RECQL5: variants seen among roughly 807,000 people sequenced by gnomAD.
RECQL5 encodes RecQ like helicase 5, also known as ATP-dependent DNA helicase Q5.
RECQL5 carries 88 observed loss-of-function variants against 103.4 expected under a neutral mutation model. That is an observed-to-expected ratio of 0.85 (90% CI 0.72 to 1.02). The LOEUF (loss-of-function observed/expected upper bound fraction) is 1.02, where lower values mean the gene tolerates loss of function less well. RECQL5 is among the 50% of genes least tolerant of loss of function. The probability of loss-of-function intolerance (pLI) is 0.00; values close to 1 mark genes in which losing one functional copy is unlikely to be tolerated. For synonymous variants in RECQL5, 552 were observed against 507.9 expected (o/e 1.09, Z -1.17); for missense variants, 1,232 against 1,284.3 (o/e 0.96, Z 0.62).
chr17:75,628,822 A>C, intron 16 of RECQL5, 60 bp from the exon 17 acceptor site: 1 of 1,601,490 alleles, frequency 6.2e-7, no homozygotes, highest in Non-Finnish European at 8.5e-7. Context: ...TCATCCCAGG[A>C]GGCCTAGGAG....
At chr17:75,647,766 C>T in intron 8 of RECQL5, 3 of 583,512 alleles carry the variant, frequency 5.1e-6, no homozygotes, top group Non-Finnish European at 9.3e-6. Flanking sequence ...TGGTCTGAGA[C>T]CAATTCTGGC....
At chr17:75,638,652 G>A (rs2059374138) in intron 8 of RECQL5, 1 of 152,338 alleles carries the variant, frequency 6.6e-6, no homozygotes, top group Non-Finnish European at 1.5e-5. Flanking sequence ...CCCGTCCCGG[G>A]GGGGCATTCT....
At chr17:75,648,601 C>T (rs1428169437) in intron 8 of RECQL5, among the ~76,000 whole-genome samples, 1 of 151,406 alleles carries the variant, frequency 6.6e-6, no homozygotes, top group East Asian at 1.9e-4. Context: ...TCTCGATCTC[C>T]TCACCTTGTG....
intron 8 of RECQL5, among the ~76,000 whole-genome samples, chr17:75,645,896 G>A (rs904270525): frequency 4.6e-5 from 7 of 152,206 alleles, no homozygotes; most frequent in African/African-American, 1.7e-4. Context: ...TTTACCAGCT[G>A]GGATAAGCAC....
chr17:75,634,637 C>T (rs1598999288), intron 8 of RECQL5, among the ~76,000 whole-genome samples: 2 of 152,198 alleles, frequency 1.3e-5, no homozygotes, highest in African/African-American at 4.8e-5. Context: ...AGCCAGCATG[C>T]GGCGCCCCCA....
chr17:75,630,355 G>T, intron 13 of RECQL5, 78 bp from the exon 14 acceptor site: 1 of 1,312,798 alleles, frequency 7.6e-7, no homozygotes, highest in Non-Finnish European at 1.0e-6. Flanking sequence ...GGGACTCCAG[G>T]CCTGGTGGGG....
chr17:75,644,796 TCCAG>T (rs2059470973), intron 8 of RECQL5, among the ~76,000 whole-genome samples: 1 of 141,860 alleles, frequency 7.0e-6, no homozygotes, highest in African/African-American at 2.7e-5. Flanking sequence ...ACCACTGCAC[TCCAG>T]CCTGGGCTAC....
intron 8 of RECQL5, among the ~76,000 whole-genome samples, chr17:75,644,145 A>G (rs1208811097): frequency 6.6e-6 from 1 of 152,200 alleles, no homozygotes; most frequent in African/African-American, 2.4e-5. Flanking sequence ...TCTACTAAAA[A>G]TACAAAAAAA....
rs951900043 is a variant in RECQL5, at chr17:75,630,664, T to A, written c.1673A>T (p.Glu558Val). 5 of 1,613,268 alleles carry A rather than the reference T, an allele frequency of 3.1e-6. No homozygotes were observed. Among genetic ancestry groups the A allele is most frequent in the Admixed American group, 1.7e-5 (1 of 60,010 alleles). The change falls in exon 13 of 20, where the codon GAG becomes GTG. Residue 558 changes from glutamate to valine, a missense_variant. Coordinates refer to ENST00000317905, the MANE Select transcript of RECQL5 (RefSeq NM_004259.7). ...KAREHCLRLLEEALSSNRQST... is the reference protein window; with the variant it reads ...KAREHCLRLLVEALSSNRQST... ...CTGGCGGTTGCTGCTCAGCGCCTCC[T>A]CCAGAAGCCGCAGGCAGTGCTCCCG...
At chr17:75,650,449 G>T in intron 8 of RECQL5, 3 of 1,339,890 alleles carry the variant, frequency 2.2e-6, no homozygotes, top group Non-Finnish European at 2.9e-6. Flanking sequence ...TCAGGAGACG[G>T]GTGTTTAGTG....
intron 7 of RECQL5, among the ~76,000 whole-genome samples, chr17:75,652,035 T>C (rs2059562436): frequency 6.6e-6 from 1 of 152,118 alleles, no homozygotes; most frequent in Admixed American, 6.6e-5. Context: ...GAGACCGGCC[T>C]TGCCAACATG....
intron 8 of RECQL5, 95 bp downstream of exon 8, chr17:75,651,091 A>G: frequency 6.2e-7 from 1 of 1,607,168 alleles, no homozygotes; most frequent in Admixed American, 1.7e-5. Flanking sequence ...TTGGTAGCCT[A>G]CGGGCTGTCT....
intron 8 of RECQL5, among the ~76,000 whole-genome samples, chr17:75,642,250 G>A (rs1047747534): frequency 6.6e-6 from 1 of 152,214 alleles, no homozygotes; most frequent in Non-Finnish European, 1.5e-5. Flanking sequence ...AGAGCATCCC[G>A]AGGTGCCTCC....
rs757609790 is a variant in RECQL5 at position 75,628,689 on chromosome 17, G to A, written c.2563C>T (p.Arg855Trp). The stretch of plus-strand genomic sequence containing the variant: ...GCCGGCACCTGCTGGGATCGAGGCC[G>A]CTTGCCCTTCCATGTGTCCTTTGCA... ...TPAKDTWKGKRPRSQQENPES... is the reference protein window; with the variant it reads ...TPAKDTWKGKWPRSQQENPES... The change falls in exon 17 of 20, where the codon CGG (arginine) becomes TGG (tryptophan). Residue 855 changes from arginine (R) to tryptophan (W), a missense_variant. Arg to Trp is a moderately radical substitution (Grantham distance 101). Coordinates refer to ENST00000317905, the MANE Select transcript of RECQL5 (RefSeq NM_004259.7). 12 of 1,588,850 alleles carry A rather than the reference G, an allele frequency of 7.6e-6. No homozygotes were observed. Among genetic ancestry groups the A allele is most frequent in the Non-Finnish European group, 1.0e-5 (12 of 1,173,644 alleles).
Position 75,650,649 on chromosome 17 carries a change from C to T in RECQL5, c.1229+537G>A, listed in dbSNP as rs201473413. 1.4e-4 allele frequency: 218 copies of T among 1,613,826 alleles called. No homozygotes were observed. The Middle Eastern group carries it at 1.8e-3, about 13-fold the overall frequency. On this transcript the variant is annotated intron_variant, in intron 8 of 19. Coordinates refer to ENST00000317905, the MANE Select transcript of RECQL5 (RefSeq NM_004259.7). ...TCTCTCCTGCAGGCACTCACAGCTCCGCATGCCTGGACACAACCTGACTAC... is the reference window on the plus strand; with the variant it reads ...TCTCTCCTGCAGGCACTCACAGCTCTGCATGCCTGGACACAACCTGACTAC...
chr17:75,647,180 G>A (rs1420077531), intron 8 of RECQL5, among the ~76,000 whole-genome samples: 3 of 152,184 alleles, frequency 2.0e-5, no homozygotes, highest in African/African-American at 7.2e-5. Flanking sequence ...TAGAGCGGGG[G>A]AAATGCCATT....
At position 75,665,099 on chromosome 17, in the gene RECQL5, C is replaced by T. The variant is rs1306590101; in HGVS notation, c.204G>A (p.Leu68=). The T allele has an allele frequency of 6.2e-7, 1 of 1,612,400 alleles. No individual in the cohort carries two copies. The highest frequency in any genetic ancestry group is 1.7e-5 in the Admixed American group (1 of 59,764). Reference sequence around the variant, plus strand: ...AGACTACAATGGTGATGCCTTTGGCCAACAGAGCAGGGAGCTGATAGCATA... The same window carrying T: ...AGACTACAATGGTGATGCCTTTGGCTAACAGAGCAGGGAGCTGATAGCATA... ...KSLCYQLPAL[L]AKGITIVVSP... is the part of the protein sequence containing the mutation. The change falls in exon 3 of 20, where the codon TTG becomes TTA. Residue 68 remains leucine (L), a synonymous_variant. Coordinates refer to ENST00000317905, the MANE Select transcript of RECQL5 (RefSeq NM_004259.7).
At position 75,641,835 on chromosome 17, in the gene RECQL5, T is replaced by G. The variant is rs1411730968; in HGVS notation, c.1229+9351A>C. 3.9e-5 allele frequency among the ~76,000 whole-genome samples: 6 copies of G among 152,210 alleles called. No individual in the cohort carries two copies. The East Asian group carries it at 1.2e-3, about 29-fold the overall frequency. On this transcript the variant is annotated intron_variant, in intron 8 of 19. Coordinates refer to ENST00000317905, the MANE Select transcript of RECQL5 (RefSeq NM_004259.7). Reference sequence around the variant, plus strand: ...TCCTGACCCTGTGGCCCTCCCCCATTTGTGTGCTGTCTGGGCTCACACCCT... The same window carrying G: ...TCCTGACCCTGTGGCCCTCCCCCATGTGTGTGCTGTCTGGGCTCACACCCT...
In RECQL5 at chr17:75,666,521, C is replaced by A; in HGVS notation, c.37G>T (p.Glu13Ter). ...TTCAGCGTACTCCGGACTCGCCGCT[C>A]AGGGTCAAAAGGAAAGGTGGTATGG... is the stretch of plus-strand genomic sequence containing the variant. ...SHHTTFPFDPERRVRSTLKKV... is the reference protein window; with the variant it reads ...SHHTTFPFDP The change falls in exon 2 of 20, where the codon GAG (glutamate) becomes TAG (stop). Residue 13 changes from glutamate (E) to a stop codon, truncating the protein, a stop_gained. Coordinates refer to ENST00000317905, the MANE Select transcript of RECQL5 (RefSeq NM_004259.7). LOFTEE classifies it high-confidence loss of function. The A allele has an allele frequency of 6.2e-7, 1 of 1,614,170 alleles. No individual in the cohort carries two copies. Among genetic ancestry groups the A allele is most frequent in the South Asian group, 1.1e-5 (1 of 91,080 alleles).
Sources: allele counts gnomAD v4.1 joint callset (sites outside exome capture counted in the v4.1 genomes callset), GRCh38; gene constraint gnomAD v4.1.1; transcripts MANE v1.5; gene names NCBI Gene and HGNC (gene_info 2026-07-23, HGNC 2026-07-21).